Variants in MGAT4B observed in about 807,000 individuals in gnomAD.
MGAT4B encodes the protein alpha-1,3-mannosyl-glycoprotein 4-beta-N-acetylglucosaminyltransferase B.
MGAT4B carries 38 observed loss-of-function variants against 73.9 expected under a neutral mutation model. That is an observed-to-expected ratio of 0.51 (90% CI 0.40 to 0.67). MGAT4B has a LOEUF of 0.67. Among genes scored for constraint, MGAT4B ranks in the 30% least tolerant of loss-of-function variants. The probability of loss-of-function intolerance (pLI) is 0.00; values close to 1 mark genes in which losing one functional copy is unlikely to be tolerated. For synonymous variants in MGAT4B, 373 were observed against 313.5 expected, an observed-to-expected ratio of 1.19 and a Z score of -2.01; for missense variants, 686 against 735.2, an observed-to-expected ratio of 0.93 and a Z score of 0.77.
At chr5:179,802,488 G>A in intron 1 of MGAT4B, 2 of 1,028,130 alleles carry the variant, frequency 1.9e-6, no homozygotes, top group Non-Finnish European at 2.3e-6. Context: ...TGCAGTTCCA[G>A]GAGCCCACCT....
At chr5:179,798,486 A>G (rs746576885) in intron 12 of MGAT4B, 27 bp downstream of exon 12, 4 of 1,613,232 alleles carry the variant, frequency 2.5e-6, no homozygotes, top group Non-Finnish European at 2.5e-6. Flanking sequence ...GCCCGGCTTC[A>G]GTGCACACCA....
rs201838464 is a variant in MGAT4B at position 179,799,997 on chromosome 5, T to C, written c.867A>G (p.Ser289=). ...TMKNFALQQP[S]EDWMILEFSQ... is the part of the protein sequence containing the mutation. ...AGAACTCCAGGATCATCCAGTCCTC[T>C]GAAGGCTGCTGCAGTGCAAAGTTCT... The change falls in exon 8 of 15, where the codon TCA becomes TCG. Residue 289 remains serine, a synonymous_variant. Coordinates refer to ENST00000292591, the MANE Select transcript of MGAT4B (RefSeq NM_014275.5). The C allele has an allele frequency of 8.2e-5, 132 of 1,613,990 alleles. No individual in the cohort carries two copies. The highest frequency in any genetic ancestry group is 9.7e-5 in the Non-Finnish European group (114 of 1,180,000).
chr5:179,802,926 C>G (rs967803640), intron 1 of MGAT4B: 95 of 985,302 alleles, frequency 9.6e-5, no homozygotes, highest in Non-Finnish European at 1.1e-4. Flanking sequence ...GTTTAAGAAG[C>G]CTGACCGAAC....
chr5:179,802,388 G>A, intron 1 of MGAT4B: 3 of 1,243,966 alleles, frequency 2.4e-6, no homozygotes, highest in Non-Finnish European at 3.0e-6. Flanking sequence ...CAAGGTCCTG[G>A]TGCTAGCTCT....
intron 5 of MGAT4B, 129 bp downstream of exon 5, chr5:179,800,778 C>T: frequency 1.8e-6 from 2 of 1,132,520 alleles, no homozygotes; most frequent in Admixed American, 2.2e-5. Context: ...ACCCACCCCT[C>T]CCCCACCAGG....
At position 179,797,773 on chromosome 5, in the gene MGAT4B, A is replaced by T. The variant is rs1432873140; in HGVS notation, c.*272T>A. The T allele has an allele frequency of 7.1e-6, 3 of 424,360 alleles. No individual in the cohort carries two copies. The highest frequency in any genetic ancestry group is 4.2e-5 in the African/African-American group (2 of 47,178). 26.3% of individuals were successfully genotyped at this position (424,360 alleles called of 1,614,324 possible). A position where few individuals can be genotyped will look rare whatever the true frequency, so the allele number is the denominator to read the frequency against. On this transcript the variant is annotated 3_prime_UTR_variant, in exon 15 of 15. Coordinates refer to ENST00000292591, the MANE Select transcript of MGAT4B (RefSeq NM_014275.5). The stretch of plus-strand genomic sequence containing the variant: ...GGGCGCCCAAGTAAAAGCTCTTCTA[A>T]AACGGCCTGACTGGGGCAGGCCGGG...
intron 5 of MGAT4B, 142 bp downstream of exon 5, chr5:179,800,765 C>T: frequency 2.8e-6 from 3 of 1,067,612 alleles, no homozygotes; most frequent in Non-Finnish European, 4.1e-6. Context: ...GCCACTTCTG[C>T]ACACCCACCC....
At position 179,801,359 on chromosome 5, in the gene MGAT4B, G is replaced by A. The variant is rs371352091; in HGVS notation, c.533C>T (p.Ser178Leu). Residue 178 changes from serine (S) to leucine (L), a missense_variant, in exon 4 of 15, where the codon TCG (serine) becomes TTG (leucine). Around this residue, in one of 2 missense-constraint regions of MGAT4B, gnomAD observed 449 missense variants for 536.8 expected, o/e 0.84. Transcript: ENST00000292591. The surrounding 1 kb of genome is among the most constrained non-coding windows in gnomAD (Gnocchi z 4.8). ...CTCGGCGATCAGCACCACGATGACC[G>A]AGTCCTCCTTCTCCTGCGGGCTCAG... ...SELSPQEKED[S>L]VIVVLIAETD... 1.7e-5 allele frequency: 27 copies of A among 1,612,098 alleles called. No homozygotes were observed. The highest frequency in any genetic ancestry group is 2.1e-5 in the Non-Finnish European group (25 of 1,179,282).
rs1000961466 is a variant in MGAT4B, at chr5:179,801,987, G to A, written c.98-18C>T. Reference sequence around the variant, plus strand: ...AACGTCGCCTGCAGGTGGTAGGCAAGCCGTCACGAGGGGGCGGTCTAGAGC... The same window carrying A: ...AACGTCGCCTGCAGGTGGTAGGCAAACCGTCACGAGGGGGCGGTCTAGAGC... On this transcript the variant is annotated intron_variant, in intron 1 of 14. Coordinates refer to ENST00000292591, the MANE Select transcript of MGAT4B (RefSeq NM_014275.5). This position sits in a 1 kb window ranked among gnomAD's most constrained non-coding sequence, Gnocchi z 4.8. 1 of 1,613,428 alleles carries A rather than the reference G, an allele frequency of 6.2e-7. No homozygotes were observed. The highest frequency in any genetic ancestry group is 1.7e-5 in the Admixed American group (1 of 60,018).
At chr5:179,803,604 CCTGG>C in intron 1 of MGAT4B, 1 of 152,298 alleles carries the variant, frequency 6.6e-6, no homozygotes, top group East Asian at 1.9e-4. Context: ...CGAGCCCCAC[CCTGG>C]CTTTCTCTGT....
rs373414605 is a variant in MGAT4B at position 179,802,406 on chromosome 5, C to G, written c.98-437G>C. 1.8e-5 allele frequency: 21 copies of G among 1,169,586 alleles called. No individual in the cohort carries two copies. In the African/African-American group the frequency reaches 2.8e-4, roughly 16 times the overall value. The allele number at this position is 1,169,586 out of a possible 1,614,324, so 72.5% of individuals were successfully genotyped here. A position where few individuals can be genotyped will look rare whatever the true frequency, so the allele number is the denominator to read the frequency against. On this transcript the variant is annotated intron_variant, in intron 1 of 14. Transcript: ENST00000292591. ...GGTCCTGGTGCTAGCTCTTCACTGT[C>G]CTTGTAGCGGTCGCTGGTTGCTCAC...
At chr5:179,805,580 G>A (rs1464721485) in intron 1 of MGAT4B, among the ~76,000 whole-genome samples, 1 of 152,244 alleles carries the variant, frequency 6.6e-6, no homozygotes, top group Non-Finnish European at 1.5e-5. Context: ...GATGGAGCTC[G>A]GAGGGTCCGG....
intron 1 of MGAT4B, chr5:179,804,919 C>T (rs2113441905): frequency 6.6e-6 from 1 of 152,358 alleles, no homozygotes; most frequent in African/African-American, 2.4e-5. Context: ...CAAGGGAGGC[C>T]TATGTCACCC....
chr5:179,801,617 G>A lies in MGAT4B; in HGVS notation c.361C>T (p.His121Tyr), dbSNP rs1404738141. ...HLPTVFHHLP[H>Y]LLAKESSLQP... The stretch of plus-strand genomic sequence containing the variant: ...AGACTGCTCTCCTTGGCCAGCAGGT[G>A]TGGCAGGTGATGGAAGACGGTGGGC... Residue 121 changes from histidine (H) to tyrosine (Y), a missense_variant, in exon 3 of 15, where the codon CAC becomes TAC. By Grantham distance (83) the His-to-Tyr change is moderately conservative (BLOSUM62 2). Around this residue, in one of 2 missense-constraint regions of MGAT4B, gnomAD observed 237 missense variants for 198.5 expected, o/e 1.19. Coordinates refer to ENST00000292591, the MANE Select transcript of MGAT4B (RefSeq NM_014275.5). This position sits in a 1 kb window ranked among gnomAD's most constrained non-coding sequence, Gnocchi z 4.8. 1.9e-6 allele frequency: 3 copies of A among 1,606,778 alleles called. No individual in the cohort carries two copies. The highest frequency in any genetic ancestry group is 1.7e-6 in the Non-Finnish European group (2 of 1,178,046).
chr5:179,800,672 C>T (rs1475228173), intron 5 of MGAT4B, 75 bp from the exon 6 acceptor site: 1 of 1,204,432 alleles, frequency 8.3e-7, no homozygotes, highest in African/African-American at 1.5e-5. Flanking sequence ...GACTGTGGCC[C>T]TTTCTTGAGG....
Position 179,799,010 on chromosome 5 carries a change from G to C in MGAT4B, c.1261C>G (p.Arg421Gly), listed in dbSNP as rs1425632871. The change falls in exon 11 of 15, where the codon CGC (arginine) becomes GGC (glycine). Residue 421 changes from arginine to glycine, a missense_variant. Arg to Gly is a moderately radical substitution (Grantham distance 125, BLOSUM62 -2). Transcript: ENST00000292591. ...GTGAAGGCCCAGAAGAAGTCCTCGC[G>C]CAGGTAGGCTTTCTCCAGGGTGAAG... is the stretch of plus-strand genomic sequence containing the variant. Reference protein sequence around the residue: ...QHFTLEKAYLREDFFWAFTPA... With the variant: ...QHFTLEKAYLGEDFFWAFTPA... The C allele has an allele frequency of 1.2e-6, 2 of 1,613,800 alleles. No individual in the cohort carries two copies. Among genetic ancestry groups the C allele is most frequent in the Non-Finnish European group, 1.7e-6 (2 of 1,180,036 alleles).
In MGAT4B at chr5:179,806,506, C is replaced by T; in HGVS notation, c.78G>A (p.Ala26=). ...GCTCACCTTTCTGGCCGCTGAGTGCCGCGTACCAGGACAGCGAGAGGAAGG... is the reference window on the plus strand; with the variant it reads ...GCTCACCTTTCTGGCCGCTGAGTGCTGCGTACCAGGACAGCGAGAGGAAGG... ...LCAFLSLSWY[A]ALSGQKGDVV... is the part of the protein sequence containing the mutation. The change falls in exon 1 of 15, where the codon GCG becomes GCA. Residue 26 remains alanine, a synonymous_variant. Transcript: ENST00000292591. The surrounding 1 kb of genome is among the most constrained non-coding windows in gnomAD (Gnocchi z 4.6). The T allele has an allele frequency of 1.5e-6, 2 of 1,324,654 alleles. No individual in the cohort carries two copies. Among genetic ancestry groups the T allele is most frequent in the Non-Finnish European group, 2.0e-6 (2 of 1,011,806 alleles). 82.1% of individuals were successfully genotyped at this position (1,324,654 alleles called of 1,614,324 possible).
rs149371866 is a variant in MGAT4B at position 179,801,931 on chromosome 5, G to T, written c.136C>A (p.Leu46Met). Reference protein sequence around the residue: ...VDVYQREFLALRDRLHAAEQE... With the variant: ...VDVYQREFLAMRDRLHAAEQE... ...TCAGCTGCGTGCAACCGATCGCGCA[G>T]CGCCAGGAACTCCCGCTGGTAAACG... The change falls in exon 2 of 15, where the codon CTG (leucine) becomes ATG (methionine). Residue 46 changes from leucine to methionine, a missense_variant. By Grantham distance (15) the Leu-to-Met change is conservative. This residue lies in a region of MGAT4B where 237 missense variants were observed against 198.5 expected (regional missense o/e 1.19). Coordinates refer to ENST00000292591, the MANE Select transcript of MGAT4B (RefSeq NM_014275.5). The surrounding 1 kb of genome is among the most constrained non-coding windows in gnomAD (Gnocchi z 4.8). 5 of 1,613,224 alleles carry T rather than the reference G, an allele frequency of 3.1e-6. No homozygotes were observed. In the African/African-American group the frequency reaches 6.7e-5, roughly 22 times the overall value.
Position 179,798,429 on chromosome 5 carries a change from AG to A in MGAT4B, c.1427del (p.Pro476LeufsTer62). 1 of 1,612,482 alleles carries A rather than the reference AG, an allele frequency of 6.2e-7. No homozygotes were observed. Among genetic ancestry groups the A allele is most frequent in the South Asian group, 1.1e-5 (1 of 91,012 alleles). ...TSVEVLPFDN[P>X]QSDKEALQEG... ...CCTGCAGGGCCTCCTTGTCTGACTG[AG>A]GGTTCTGGGGGCAGAATCAAGGGCT... On this transcript the variant is annotated frameshift_variant, in exon 13 of 15. Transcript: ENST00000292591. LOFTEE classifies it high-confidence loss of function.
Sources: gnomAD v4.1 joint callset for allele counts (sites outside exome capture counted in the v4.1 genomes callset) on GRCh38, gnomAD v4.1.1 for gene constraint, gnomAD v4.1.1 regional missense constraint, Gnocchi (gnomAD v3.1) non-coding constraint, MANE v1.5 for transcripts, NCBI Gene and HGNC (gene_info 2026-07-23, HGNC 2026-07-21) for gene names.